The following TTN variants were observed in gnomAD, a reference collection of about 807,000 sequenced individuals.
TTN encodes connectin.
TTN carries 1,525 observed loss-of-function variants against 3,223.0 expected under a neutral mutation model. That is an observed-to-expected ratio of 0.47 (90% CI 0.45 to 0.49). The LOEUF is 0.49. Among genes scored for constraint, TTN ranks in the 20% least tolerant of loss-of-function variants. The pLI is 0.00. For missense variants in TTN, 40,786 were observed against 43,424.0 expected (o/e 0.94, Z 5.40); for synonymous variants, 14,094 against 15,161.0 (o/e 0.93, Z 5.17).
chr2:178,794,961 A>C lies in TTN; in HGVS notation c.1206T>G (p.Ala402=), dbSNP rs1182040505. The C allele has an allele frequency of 6.2e-7, 1 of 1,605,308 alleles. No homozygotes were observed. The highest frequency in any genetic ancestry group is 1.7e-5 in the Admixed American group (1 of 60,030). Residue 402 remains alanine, a synonymous_variant, in exon 7 of 363, where the codon GCT becomes GCG. Transcript: ENST00000589042. ...AGAAASVSAS[A]SYAAEAVATG... is the part of the protein sequence containing the mutation. ...TGGCAACAGCCTCTGCTGCGTAGCT[A>C]GCACTGGCCGACACACTGGCGGCAG...
rs1278035797 is a variant in TTN, at chr2:178,592,159, C to G, written c.59745G>C (p.Glu19915Asp). The change falls in exon 302 of 363, where the codon GAG (glutamate) becomes GAC (aspartate). Residue 19915 changes from glutamate to aspartate, a missense_variant. Glu to Asp is a conservative substitution (Grantham distance 45, BLOSUM62 2). Coordinates refer to ENST00000589042, the MANE Select transcript of TTN (RefSeq NM_001267550.2). ...GGSVITNYVV[E>D]RRDVASAQWS... is the part of the protein sequence containing the mutation. Reference sequence around the variant, plus strand: ...ACTGGGCGCTGGCAACATCTCTCCTCTCAACCACATAATTGGTAATAACAG... The same window carrying G: ...ACTGGGCGCTGGCAACATCTCTCCTGTCAACCACATAATTGGTAATAACAG... 6.2e-6 allele frequency: 10 copies of G among 1,612,784 alleles called. No individual in the cohort carries two copies. The Admixed American group carries it at 1.7e-4, about 27-fold the overall frequency.
In TTN at chr2:178,530,528, C is replaced by G. The variant is rs1575217507; in HGVS notation, c.106087G>C (p.Gly35363Arg). 1.2e-6 allele frequency: 2 copies of G among 1,613,822 alleles called. No homozygotes were observed. Among genetic ancestry groups the G allele is most frequent in the African/African-American group, 2.7e-5 (2 of 74,898 alleles). ...DQGEYVCEISGEGGTSKTNLQ... is the reference protein window; with the variant it reads ...DQGEYVCEISREGGTSKTNLQ... ...TTGGTTTTAGACGTTCCACCTTCAC[C>G]AGAAATCTCACAAACATATTCTCCT... The change falls in exon 358 of 363, where the codon GGT (glycine) becomes CGT (arginine). Residue 35363 changes from glycine (G) to arginine (R), a missense_variant. By Grantham distance (125) the Gly-to-Arg change is moderately radical. Coordinates refer to ENST00000589042, the MANE Select transcript of TTN (RefSeq NM_001267550.2).
At chr2:178,542,225 CAG>C (rs758885845) in intron 349 of TTN, 37 bp downstream of exon 349, 1 of 1,556,730 alleles carries the variant, frequency 6.4e-7, no homozygotes, top group Non-Finnish European at 8.7e-7. Context: ...CATTCAGAAT[CAG>C]AGGTGGGGAG....
rs778238304 is a variant in TTN at position 178,574,497 on chromosome 2, C to T, written c.71635G>A (p.Ala23879Thr). The stretch of plus-strand genomic sequence containing the variant: ...TTGAAAATGTTGCCTGGTACTAAAG[C>T]TTTGCTCACAGTCTGCCAGAGAATA... ...NGILWQTVSK[A>T]LVPGNIFKSS... The change falls in exon 326 of 363, where the codon GCT becomes ACT. Residue 23879 changes from alanine to threonine, a missense_variant. Physicochemically the swap from Ala to Thr is moderately conservative, Grantham distance 58 (BLOSUM62 0). Coordinates refer to ENST00000589042, the MANE Select transcript of TTN (RefSeq NM_001267550.2). 51 of 1,613,554 alleles carry T rather than the reference C, an allele frequency of 3.2e-5. No individual in the cohort carries two copies. Among genetic ancestry groups the T allele is most frequent in the Non-Finnish European group, 3.8e-5 (45 of 1,179,656 alleles).
At position 178,526,411 on chromosome 2, in the gene TTN, A is replaced by G. The variant is rs1382282114; in HGVS notation, c.*601T>C. 6.6e-6 allele frequency: 1 copy of G among 152,668 alleles called. No homozygotes were observed. The highest frequency in any genetic ancestry group is 2.4e-5 in the African/African-American group (1 of 41,454). The allele number at this position is 152,668 out of a possible 1,614,324, so 9.5% of individuals were successfully genotyped here. A position where few individuals can be genotyped will look rare whatever the true frequency, so the allele number is the denominator to read the frequency against. On this transcript the variant is annotated 3_prime_UTR_variant, in exon 363 of 363. Transcript: ENST00000589042. ...GAGCGAACAAAGTGTTGGCCGTTAC[A>G]CTTTGCTCTGGTAATATTTGTCATG... is the stretch of plus-strand genomic sequence containing the variant.
Position 178,590,785 on chromosome 2 carries a change from T to G in TTN, c.60940A>C (p.Thr20314Pro). The change falls in exon 304 of 363, where the codon ACT (threonine) becomes CCT (proline). Residue 20314 changes from threonine to proline, a missense_variant. Thr to Pro is a conservative substitution (Grantham distance 38). Coordinates refer to ENST00000589042, the MANE Select transcript of TTN (RefSeq NM_001267550.2). ...TTGTTGACCCTCACCCATTTGCCAG[T>G]TACTTCTCGACGTTCCATATAGTAG... Reference protein sequence around the residue: ...TGYYMERREVTGKWVRVNKTP... With the variant: ...TGYYMERREVPGKWVRVNKTP... 2 of 1,607,202 alleles carry G rather than the reference T, an allele frequency of 1.2e-6. No homozygotes were observed. The highest frequency in any genetic ancestry group is 1.7e-6 in the Non-Finnish European group (2 of 1,174,736).
chr2:178,594,230 A>G lies in TTN; in HGVS notation c.58163T>C (p.Leu19388Pro), dbSNP rs1347215491. Reference sequence around the variant, plus strand: ...GAGCTTATCTCTGAAGTCGAGGTGAAGCGTTGGGGGTGCTAAAATTTGTAA... The same window carrying G: ...GAGCTTATCTCTGAAGTCGAGGTGAGGCGTTGGGGGTGCTAAAATTTGTAA... The part of the protein sequence containing the change: ...TCKDELAPPT[L>P]HLDFRDKLTI... Residue 19388 changes from leucine to proline, a missense_variant, in exon 297 of 363, where the codon CTT becomes CCT. Leu to Pro is a moderately conservative substitution (Grantham distance 98). Coordinates refer to ENST00000589042, the MANE Select transcript of TTN (RefSeq NM_001267550.2). 1 of 1,612,908 alleles carries G rather than the reference A, an allele frequency of 6.2e-7. No individual in the cohort carries two copies. The highest frequency in any genetic ancestry group is 8.5e-7 in the Non-Finnish European group (1 of 1,179,564).
Position 178,588,595 on chromosome 2 carries a change from T to C in TTN, c.63130A>G (p.Ile21044Val), listed in dbSNP as rs1325938050. The C allele has an allele frequency of 6.4e-7, 1 of 1,561,000 alleles. No homozygotes were observed. Among genetic ancestry groups the C allele is most frequent in the Non-Finnish European group, 8.7e-7 (1 of 1,155,292 alleles). ...GGCAAGCTTGGTTCTCCAATTCCAA[T>C]TTCATTTTCTGCCTTGACACGGAAC... ...YQFRVKAENEIGIGEPSLPSR... is the reference protein window; with the variant it reads ...YQFRVKAENEVGIGEPSLPSR... The change falls in exon 304 of 363, where the codon ATT becomes GTT. Residue 21044 changes from isoleucine (I) to valine (V), a missense_variant. Transcript: ENST00000589042.
chr2:178,573,734 G>A lies in TTN; in HGVS notation c.72398C>T (p.Thr24133Ile), dbSNP rs977953337. The change falls in exon 326 of 363, where the codon ACT becomes ATT. Residue 24133 changes from threonine to isoleucine, a missense_variant. Thr to Ile is a moderately conservative substitution (Grantham distance 89, BLOSUM62 -1). Transcript: ENST00000589042. Reference protein sequence around the residue: ...PGPPEGPLAVTEVTSEKCVLS... With the variant: ...PGPPEGPLAVIEVTSEKCVLS... ...TACACACTTTTCTGATGTCACTTCA[G>A]TTACAGCCAAAGGTCCTTCAGGTGG... is the stretch of plus-strand genomic sequence containing the variant. 2 of 1,560,726 alleles carry A rather than the reference G, an allele frequency of 1.3e-6. No individual in the cohort carries two copies. Among genetic ancestry groups the A allele is most frequent in the Non-Finnish European group, 1.7e-6 (2 of 1,155,714 alleles).
Position 178,774,324 on chromosome 2 carries a change from T to C in TTN, c.6940A>G (p.Ile2314Val), listed in dbSNP as rs2091945518. 6.2e-7 allele frequency: 1 copy of C among 1,614,088 alleles called. No individual in the cohort carries two copies. The highest frequency in any genetic ancestry group is 8.5e-7 in the Non-Finnish European group (1 of 1,179,990). Residue 2314 changes from isoleucine to valine, a missense_variant, in exon 30 of 363, where the codon ATT becomes GTT. Coordinates refer to ENST00000589042, the MANE Select transcript of TTN (RefSeq NM_001267550.2). ...TTCTGACGTCCACGACGAGATGTAA[T>C]TGTATATTTGCCATTGGATTTAAGC... ...VELKSNGKYTITSRRGRQNLT... is the reference protein window; with the variant it reads ...VELKSNGKYTVTSRRGRQNLT...
Position 178,600,005 on chromosome 2 carries a change from G to A in TTN, c.56051-155C>T, listed in dbSNP as rs2052872152. Among the ~76,000 whole-genome samples the A allele has an allele frequency of 2.0e-5, 3 of 152,074 alleles. 1 individual carries two copies. Among genetic ancestry groups the A allele is most frequent in the Admixed American group, 2.0e-4 (3 of 15,256 alleles). On this transcript the variant is annotated intron_variant, in intron 288 of 362. Coordinates refer to ENST00000589042, the MANE Select transcript of TTN (RefSeq NM_001267550.2). ...ATGGTTCTGTCTTTAACACTATTAC[G>A]CTAGTTTGGGGAGCAGGTACACGGG... is the stretch of plus-strand genomic sequence containing the variant.
intron 209 of TTN, 40 bp from the exon 210 acceptor site, chr2:178,650,311 C>G (rs1433101741): frequency 6.7e-7 from 1 of 1,493,776 alleles, no homozygotes; most frequent in African/African-American, 1.4e-5. Flanking sequence ...ATGTATGGAA[C>G]AATATTCTAA....
rs776901808 is a variant in TTN, at chr2:178,713,940, G to T, written c.26718C>A (p.Asn8906Lys). ...CTGTGCAGCTGTCTTTGCCAACAGG[G>T]TTCTGCACCTCAAAACTGTATACCC... ...DSGVYSFEVQ[N>K]PVGKDSCTAS... Residue 8906 changes from asparagine to lysine, a missense_variant, in exon 92 of 363, where the codon AAC (asparagine) becomes AAA (lysine). By Grantham distance (94) the Asn-to-Lys change is moderately conservative. Transcript: ENST00000589042. 1.2e-6 allele frequency: 2 copies of T among 1,613,638 alleles called. No individual in the cohort carries two copies. Among genetic ancestry groups the T allele is most frequent in the Admixed American group, 1.7e-5 (1 of 59,978 alleles).
Position 178,770,487 on chromosome 2 carries a change from A to C in TTN, c.8305T>G (p.Cys2769Gly), listed in dbSNP as rs1313199971. The change falls in exon 35 of 363, where the codon TGT becomes GGT. Residue 2769 changes from cysteine (C) to glycine (G), a missense_variant. Cys to Gly is a radical substitution (Grantham distance 159, BLOSUM62 -3). Transcript: ENST00000589042. The stretch of plus-strand genomic sequence containing the variant: ...TAAACAGACTCATCCACGATGGCAC[A>C]GTTTTTAATCCTCAGAGAGTAAATT... ...GTIYSLRIKN[C>G]AIVDESVYGF... 6 of 1,614,060 alleles carry C rather than the reference A, an allele frequency of 3.7e-6. No homozygotes were observed. Among genetic ancestry groups the C allele is most frequent in the Non-Finnish European group, 5.1e-6 (6 of 1,180,022 alleles).
intron 33 of TTN, 21 bp from the exon 34 acceptor site, chr2:178,771,492 A>G: frequency 6.2e-7 from 1 of 1,613,888 alleles, no homozygotes; most frequent in Non-Finnish European, 8.5e-7. Flanking sequence ...AGAGATGTAC[A>G]GTATGAGTCC....
chr2:178,744,358 GA>G (rs1243476782), intron 47 of TTN: 1 of 982,922 alleles, frequency 1.0e-6, no homozygotes, highest in African/African-American at 1.8e-5. Context: ...TTGTATTGTT[GA>G]ATGATCACCT....
rs1330405287 is a variant in TTN at position 178,722,360 on chromosome 2, A to T, written c.22427T>A (p.Leu7476Ter). The T allele has an allele frequency of 6.2e-7, 1 of 1,613,206 alleles. No individual in the cohort carries two copies. Among genetic ancestry groups the T allele is most frequent in the Non-Finnish European group, 8.5e-7 (1 of 1,179,538 alleles). The change falls in exon 77 of 363, where the codon TTA becomes TAA. Residue 7476 changes from leucine (L) to a stop codon, truncating the protein, a stop_gained. Coordinates refer to ENST00000589042, the MANE Select transcript of TTN (RefSeq NM_001267550.2). LOFTEE classifies it high-confidence loss of function. ...ACTCAAGTCAGTTTGCAAAATTTTT[A>T]AAGTTGCCACATTATCTACAAATGA... is the stretch of plus-strand genomic sequence containing the variant. ...QTSFVDNVAT[L>*]KILQTDLSHS... is the part of the protein sequence containing the mutation.
chr2:178,698,803 GA>G, intron 112 of TTN, 39 bp downstream of exon 112: 2 of 1,522,136 alleles, frequency 1.3e-6, no homozygotes, highest in Non-Finnish European at 8.8e-7. Flanking sequence ...TTTTGGCCAA[GA>G]AAAAAGTGTT....
At chr2:178,649,670 T>G (rs1205772169) in intron 211 of TTN, 39 bp from the exon 212 acceptor site, 2 of 1,549,502 alleles carry the variant, frequency 1.3e-6, no homozygotes, top group South Asian at 2.4e-5. Flanking sequence ...TACAAAGTTG[T>G]GAGATGTAAG....
Sources: gnomAD v4.1 joint callset for allele counts (sites outside exome capture counted in the v4.1 genomes callset) on GRCh38, gnomAD v4.1.1 for gene constraint, MANE v1.5 for transcripts, NCBI Gene and HGNC (gene_info 2026-07-23, HGNC 2026-07-21) for gene names.